ATP6V0A1: variants seen among roughly 807,000 people sequenced by gnomAD.
ATP6V0A1 encodes V-type proton ATPase 116 kDa subunit a 1.
Under a neutral mutation model 105.4 loss-of-function variants are expected in ATP6V0A1, and 43 were observed. The observed-to-expected ratio is 0.41, with a 90% confidence interval of 0.32 to 0.53. ATP6V0A1 has a LOEUF of 0.53. ATP6V0A1 is among the 20% of genes least tolerant of loss of function. The probability of loss-of-function intolerance (pLI) is 0.30; values close to 1 mark genes in which losing one functional copy is unlikely to be tolerated. For synonymous variants in ATP6V0A1, 362 were observed against 372.8 expected (o/e 0.97, Z 0.33); for missense variants, 676 against 1,051.1 (o/e 0.64, Z 4.93).
intron 17 of ATP6V0A1, among the ~76,000 whole-genome samples, chr17:42,504,305 CAT>C (rs1241008918): frequency 6.6e-6 from 1 of 152,154 alleles, no homozygotes; most frequent in Non-Finnish European, 1.5e-5. Flanking sequence ...TTTCTGCTGA[CAT>C]GTGTCTCTCA....
chr17:42,521,286 C>T lies in ATP6V0A1; in HGVS notation c.*166C>T, dbSNP rs368272285. ...TAGTCCTCCTTGGGTCTCCCACCAC[C>T]CCTAGCTTTGTGTGTAGTGTAGTGA... On this transcript the variant is annotated 3_prime_UTR_variant, in exon 22 of 22. Coordinates refer to ENST00000343619, the MANE Select transcript of ATP6V0A1 (RefSeq NM_001130021.3). This position sits in a 1 kb window ranked among gnomAD's most constrained non-coding sequence, Gnocchi z 4.8. 2.7e-5 allele frequency: 14 copies of T among 515,936 alleles called. No individual in the cohort carries two copies. The highest frequency in any genetic ancestry group is 2.5e-4 in the South Asian group (8 of 32,458). The allele number at this position is 515,936 out of a possible 1,614,324, so 32.0% of individuals were successfully genotyped here.
chr17:42,466,535 T>C (rs1275268685), intron 3 of ATP6V0A1, 28 bp downstream of exon 3: 2 of 1,561,448 alleles, frequency 1.3e-6, no homozygotes, highest in Non-Finnish European at 1.8e-6. Flanking sequence ...TTGTGTAATG[T>C]TCCTTTAATG....
At chr17:42,494,015 A>T (rs1189935032) in intron 11 of ATP6V0A1, among the ~76,000 whole-genome samples, 1 of 152,092 alleles carries the variant, frequency 6.6e-6, no homozygotes, top group African/African-American at 2.4e-5. Flanking sequence ...AGGCCGAGGC[A>T]GGTGGATCAC....
chr17:42,492,700 C>G (rs2146000358), intron 11 of ATP6V0A1, among the ~76,000 whole-genome samples: 1 of 85,588 alleles, frequency 1.2e-5, no homozygotes, highest in Non-Finnish European at 2.2e-5. Context: ...GAGTGAAACT[C>G]TGTCTCAAAA....
At chr17:42,505,558 T>G (rs1416270654) in intron 17 of ATP6V0A1, among the ~76,000 whole-genome samples, 1 of 151,606 alleles carries the variant, frequency 6.6e-6, no homozygotes, top group Admixed American at 6.6e-5. Flanking sequence ...CGGGCTGGTC[T>G]CGAACTCCTG....
intron 17 of ATP6V0A1, among the ~76,000 whole-genome samples, chr17:42,505,868 A>G (rs560855605): frequency 1.3e-5 from 2 of 151,608 alleles, no homozygotes; most frequent in South Asian, 2.1e-4. Flanking sequence ...GCTCACTGCA[A>G]CCATCACCTC....
intron 17 of ATP6V0A1, among the ~76,000 whole-genome samples, chr17:42,504,280 A>G (rs1273580230): frequency 6.6e-6 from 1 of 151,898 alleles, no homozygotes; most frequent in Non-Finnish European, 1.5e-5. Context: ...TCACAGTTTA[A>G]TTTTTCTTTT....
intron 21 of ATP6V0A1, among the ~76,000 whole-genome samples, chr17:42,516,645 A>G (rs1292920897): frequency 1.3e-5 from 2 of 152,226 alleles, no homozygotes; most frequent in African/African-American, 2.4e-5. Flanking sequence ...GTAGCCGGTC[A>G]TCTCCCTGGG....
chr17:42,496,756 C>T (rs144940645), intron 14 of ATP6V0A1, among the ~76,000 whole-genome samples: 33 of 151,978 alleles, frequency 2.2e-4, no homozygotes, highest in South Asian at 6.2e-4. Context: ...GAATTGCTTG[C>T]GCCCGGGAGG....
chr17:42,513,212 T>C (rs2092436034), intron 19 of ATP6V0A1, among the ~76,000 whole-genome samples: 1 of 152,146 alleles, frequency 6.6e-6, no homozygotes, highest in Non-Finnish European at 1.5e-5. Context: ...CCTTAACCCA[T>C]GTGGAAATTT....
chr17:42,517,548 T>A (rs1341688253), intron 21 of ATP6V0A1, among the ~76,000 whole-genome samples: 3 of 152,150 alleles, frequency 2.0e-5, no homozygotes, highest in Non-Finnish European at 2.9e-5. Context: ...TTCCAGAATC[T>A]CGTCTTTGGA....
chr17:42,465,892 G>A (rs926800275), intron 2 of ATP6V0A1, among the ~76,000 whole-genome samples: 2 of 151,942 alleles, frequency 1.3e-5, no homozygotes, highest in African/African-American at 4.8e-5. Flanking sequence ...CTTGAACCTG[G>A]GAGGCAGAGG....
At chr17:42,482,917 G>T (rs79378817) in intron 8 of ATP6V0A1, 121 bp from the exon 9 acceptor site, 133 of 313,228 alleles carry the variant, frequency 4.2e-4, no homozygotes, top group Non-Finnish European at 6.3e-4. Context: ...AAAAAAAAAA[G>T]TGTTGACTTA....
intron 5 of ATP6V0A1, among the ~76,000 whole-genome samples, chr17:42,475,535 T>G (rs1317185201): frequency 6.6e-6 from 1 of 152,210 alleles, no homozygotes; most frequent in Non-Finnish European, 1.5e-5. Flanking sequence ...ATTTTTTTTT[T>G]TAGCTCATTA....
intron 11 of ATP6V0A1, among the ~76,000 whole-genome samples, chr17:42,491,307 A>G (rs144884996): frequency 3.3e-5 from 5 of 151,924 alleles, no homozygotes; most frequent in African/African-American, 1.2e-4. Flanking sequence ...TTTTTAATTT[A>G]ATTTTATTTT....
rs371545494 is a variant in ATP6V0A1, at chr17:42,486,038, A to G, written c.811-1117A>G. 9.2e-5 allele frequency among the ~76,000 whole-genome samples: 14 copies of G among 152,318 alleles called. No homozygotes were observed. In the South Asian group the frequency reaches 1.9e-3, roughly 20 times the overall value. On this transcript the variant is annotated intron_variant, in intron 9 of 21. Transcript: ENST00000343619. ...TCTGAACTAACTTGAAGAATTGTCT[A>G]TGATGGAGACTTGTGCTTTGGGTTG...
intron 2 of ATP6V0A1, among the ~76,000 whole-genome samples, chr17:42,464,640 T>C (rs1160968398): frequency 6.6e-6 from 1 of 152,138 alleles, no homozygotes; most frequent in Non-Finnish European, 1.5e-5. Context: ...CCTGACCTCA[T>C]GAACTGCCCG....
chr17:42,520,338 T>C (rs1468987963), intron 21 of ATP6V0A1: 2 of 428,524 alleles, frequency 4.7e-6, no homozygotes, highest in Non-Finnish European at 9.4e-6. Flanking sequence ...TGGGACAGTC[T>C]TCCTCCCACC....
intron 9 of ATP6V0A1, among the ~76,000 whole-genome samples, chr17:42,483,575 T>A (rs1250166005): frequency 1.3e-5 from 2 of 151,684 alleles, no homozygotes; most frequent in East Asian, 2.0e-4. Flanking sequence ...GCCCGACTAA[T>A]TTTTGTATTT....
Sources: gnomAD v4.1 joint callset for allele counts (sites outside exome capture counted in the v4.1 genomes callset) on GRCh38, gnomAD v4.1.1 for gene constraint, Gnocchi (gnomAD v3.1) non-coding constraint, MANE v1.5 for transcripts, NCBI Gene and HGNC (gene_info 2026-07-23, HGNC 2026-07-21) for gene names.